Variants in LDLRAD4 observed in about 807,000 individuals in gnomAD.
LDLRAD4 encodes the protein low density lipoprotein receptor class A domain containing 4.
A neutral mutation model predicts 17.0 loss-of-function variants in LDLRAD4; 5 were observed. The ratio of observed to expected loss-of-function variants is 0.29; its 90% CI spans 0.15 to 0.62. The LOEUF (loss-of-function observed/expected upper bound fraction) is 0.62, where lower values mean the gene tolerates loss of function less well. Ranked by LOEUF, LDLRAD4 falls within the 20% of genes least tolerant of loss-of-function variation. The pLI is 0.84. For synonymous variants in LDLRAD4, 168 were observed against 171.8 expected (o/e 0.98, Z 0.17); for missense variants, 340 against 424.7 (o/e 0.80, Z 1.75).
chr18:13,250,319 G>A (rs1389911107), intron 1 of LDLRAD4, among the ~76,000 whole-genome samples: 2 of 151,480 alleles, frequency 1.3e-5, no homozygotes, highest in Non-Finnish European at 1.5e-5. Context: ...ATGAAACTTT[G>A]GCTTTTTTTT....
At chr18:13,348,320 AGTTTGCTGGAG>A (rs1365171945) in intron 1 of LDLRAD4, among the ~76,000 whole-genome samples, 1 of 151,920 alleles carries the variant, frequency 6.6e-6, no homozygotes, top group East Asian at 1.9e-4. Flanking sequence ...GGTCTTTTGG[AGTTTGCTGGAG>A]GTCCACTCCA....
At chr18:13,469,776 A>G (rs927711806) in intron 3 of LDLRAD4, among the ~76,000 whole-genome samples, 3 of 152,186 alleles carry the variant, frequency 2.0e-5, no homozygotes, top group Non-Finnish European at 2.9e-5. Flanking sequence ...TGTTCAGGGA[A>G]GAGATTTGGA....
intron 1 of LDLRAD4, among the ~76,000 whole-genome samples, chr18:13,254,624 G>A (rs189700997): frequency 2.0e-5 from 3 of 152,320 alleles, no homozygotes; most frequent in African/African-American, 7.2e-5. Flanking sequence ...CCTACAGTGA[G>A]CCTCAAGAAA....
chr18:13,524,789 G>C (rs2094005106), intron 3 of LDLRAD4, among the ~76,000 whole-genome samples: 1 of 152,208 alleles, frequency 6.6e-6, no homozygotes, highest in South Asian at 2.1e-4. Flanking sequence ...TGGAAGCCTT[G>C]CGTTTTTCTC....
At chr18:13,402,151 T>TTTCCCTTC (rs2087282003) in intron 2 of LDLRAD4, among the ~76,000 whole-genome samples, 1 of 152,186 alleles carries the variant, frequency 6.6e-6, no homozygotes, top group African/African-American at 2.4e-5. Context: ...ACAACGTGCT[T>TTTCCCTTC]TTCCCTTCTT....
intron 1 of LDLRAD4, among the ~76,000 whole-genome samples, chr18:13,283,540 C>T (rs1489906746): frequency 6.6e-6 from 1 of 152,212 alleles, no homozygotes; most frequent in East Asian, 1.9e-4. Flanking sequence ...CAACAAGTTC[C>T]TCATCTCTGT....
intron 1 of LDLRAD4, among the ~76,000 whole-genome samples, chr18:13,326,448 CATCTT>C (rs1289126265): frequency 2.0e-5 from 3 of 152,172 alleles, no homozygotes. Context: ...TGACTGATCT[CATCTT>C]GTCTTTTTTC....
At chr18:13,473,777 A>C (rs577019431) in intron 3 of LDLRAD4, among the ~76,000 whole-genome samples, 4 of 150,838 alleles carry the variant, frequency 2.7e-5, no homozygotes, top group Non-Finnish European at 5.9e-5. Context: ...TGAGAGACGC[A>C]ACCTCAGGCC....
intron 3 of LDLRAD4, chr18:13,516,068 G>T (rs1276517473): frequency 1.3e-5 from 2 of 152,160 alleles, no homozygotes; most frequent in Non-Finnish European, 1.5e-5. Flanking sequence ...ACCCACCTTG[G>T]CCTCCCAAAG....
chr18:13,219,624 G>A (rs1598717953), intron 1 of LDLRAD4, among the ~76,000 whole-genome samples: 1 of 152,192 alleles, frequency 6.6e-6, no homozygotes, highest in East Asian at 1.9e-4. Context: ...AGTAGAGGTG[G>A]ATAGAGATGG....
chr18:13,325,785 C>T (rs2081498273), intron 1 of LDLRAD4, among the ~76,000 whole-genome samples: 1 of 151,414 alleles, frequency 6.6e-6, no homozygotes, highest in South Asian at 2.1e-4. Flanking sequence ...CGGAGTCTTG[C>T]TCTGTCGCCC....
intron 1 of LDLRAD4, among the ~76,000 whole-genome samples, chr18:13,326,769 C>T (rs543346505): frequency 2.0e-5 from 3 of 151,424 alleles, no homozygotes; most frequent in African/African-American, 7.3e-5. Flanking sequence ...TTGGGGGTCC[C>T]GAGCTTTTTT....
chr18:13,590,668 GT>G (rs2095012336), intron 3 of LDLRAD4, among the ~76,000 whole-genome samples: 1 of 152,108 alleles, frequency 6.6e-6, no homozygotes. Context: ...TTTCTTGTGC[GT>G]GATTAGCCTC....
chr18:13,473,359 C>T (rs961331444), intron 3 of LDLRAD4, among the ~76,000 whole-genome samples: 1 of 152,114 alleles, frequency 6.6e-6, no homozygotes, highest in Non-Finnish European at 1.5e-5. Flanking sequence ...AATCATATCA[C>T]AGCCAGACAG....
chr18:13,379,284 C>T (rs972930243), intron 1 of LDLRAD4, among the ~76,000 whole-genome samples: 3 of 152,228 alleles, frequency 2.0e-5, no homozygotes, highest in East Asian at 1.9e-4. Context: ...CTCCCAGCCA[C>T]GATGTCCCCC....
At chr18:13,606,626 T>C (rs1178648464) in intron 3 of LDLRAD4, among the ~76,000 whole-genome samples, 2 of 152,252 alleles carry the variant, frequency 1.3e-5, no homozygotes, top group East Asian at 3.8e-4. Flanking sequence ...TTCCATGTTA[T>C]AGACTAATGT....
chr18:13,457,778 G>A (rs2092221797), intron 3 of LDLRAD4, among the ~76,000 whole-genome samples: 2 of 152,258 alleles, frequency 1.3e-5, no homozygotes, highest in African/African-American at 4.8e-5. Flanking sequence ...GGCTCCCCCT[G>A]CCTCGCTACC....
At chr18:13,323,806 C>T (rs1007337185) in intron 1 of LDLRAD4, among the ~76,000 whole-genome samples, 1 of 152,072 alleles carries the variant, frequency 6.6e-6, no homozygotes, top group African/African-American at 2.4e-5. Context: ...GAAATAAGTT[C>T]AGAGAAGGAT....
At chr18:13,304,003 T>G (rs928292128) in intron 1 of LDLRAD4, among the ~76,000 whole-genome samples, 7 of 152,224 alleles carry the variant, frequency 4.6e-5, no homozygotes, top group Admixed American at 4.6e-4. Context: ...TCTGGAATTT[T>G]TCAGGCAAAG....
Sources: allele counts gnomAD v4.1 joint callset (sites outside exome capture counted in the v4.1 genomes callset), GRCh38; gene constraint gnomAD v4.1.1; transcripts MANE v1.5; gene names NCBI Gene and HGNC (gene_info 2026-07-23, HGNC 2026-07-21).